Variants in VPS8 observed in about 807,000 individuals in gnomAD.
VPS8 encodes the protein VPS8 subunit of CORVET complex.
In VPS8, 129 loss-of-function variants were observed where a neutral mutation model predicts 216.4. The ratio of observed to expected loss-of-function variants is 0.60; its 90% CI spans 0.52 to 0.69. VPS8 has a LOEUF of 0.69. Ranked by LOEUF, VPS8 falls within the 30% of genes least tolerant of loss-of-function variation. The pLI is 0.00. For missense variants in VPS8, 1,531 were observed against 1,683.5 expected (o/e 0.91, Z 1.59); for synonymous variants, 571 against 565.4 (o/e 1.01, Z -0.14).
chr3:184,855,744 C>T lies in VPS8; in HGVS notation c.1069C>T (p.His357Tyr). ...TTCCAGTGTGCCACTGCTGGCCTGGCACTTTGTAGCAGTACAAAATTACGT... is the reference window on the plus strand; with the variant it reads ...TTCCAGTGTGCCACTGCTGGCCTGGTACTTTGTAGCAGTACAAAATTACGT... Reference protein sequence around the residue: ...DPSSVPLLAWHFVAVQNYVNP... With the variant: ...DPSSVPLLAWYFVAVQNYVNP... The change falls in exon 14 of 48, where the codon CAC (histidine) becomes TAC (tyrosine). Residue 357 changes from histidine to tyrosine, a missense_variant. Coordinates refer to ENST00000625842, the MANE Select transcript of VPS8 (RefSeq NM_001009921.3). 1 of 1,613,632 alleles carries T rather than the reference C, an allele frequency of 6.2e-7. No homozygotes were observed.
intron 36 of VPS8, among the ~76,000 whole-genome samples, chr3:184,944,171 C>T (rs768475354): frequency 2.6e-5 from 4 of 152,186 alleles, no homozygotes; most frequent in African/African-American, 9.7e-5. Flanking sequence ...GGATATTTCT[C>T]TATGTCTTTA....
At chr3:184,879,292 A>G (rs11717139) in intron 21 of VPS8, among the ~76,000 whole-genome samples, 35,540 of 152,120 alleles carry the variant, frequency 0.23, 4,983 homozygotes, top group East Asian at 0.63. Context: ...CGACAAGAGA[A>G]GCAGTCTTTT....
At chr3:184,966,903 T>C (rs906150333) in intron 39 of VPS8, among the ~76,000 whole-genome samples, 190 bp downstream of exon 39, 2 of 152,178 alleles carry the variant, frequency 1.3e-5, no homozygotes, top group Non-Finnish European at 2.9e-5. Flanking sequence ...ATAGAAACCA[T>C]TGTGGCTTTG....
chr3:185,050,299 A>C (rs1713924353), intron 47 of VPS8, among the ~76,000 whole-genome samples: 1 of 152,112 alleles, frequency 6.6e-6, no homozygotes, highest in Admixed American at 6.5e-5. Context: ...AAGTGGCACG[A>C]AGTGGACTCT....
Position 184,870,739 on chromosome 3 carries a change from T to C in VPS8, c.1668T>C (p.Tyr556=). ...AGATGGTAGAAATCCTATTCCATTA[T>C]GCAGATCGAGCTCTGAAAAAGTGCC... The part of the protein sequence containing the change: ...ADRMVEILFH[Y]ADRALKKCPD... The change falls in exon 21 of 48, where the codon TAT becomes TAC. Residue 556 remains tyrosine (Y), a synonymous_variant. Transcript: ENST00000625842. The C allele has an allele frequency of 1.9e-6, 3 of 1,612,382 alleles. No homozygotes were observed. Among genetic ancestry groups the C allele is most frequent in the Non-Finnish European group, 2.5e-6 (3 of 1,179,150 alleles).
intron 4 of VPS8, among the ~76,000 whole-genome samples, chr3:184,833,446 T>C (rs1720430947): frequency 6.6e-6 from 1 of 152,226 alleles, no homozygotes; most frequent in Non-Finnish European, 1.5e-5. Flanking sequence ...TGTTCTTTTC[T>C]TTAGGTTATC....
intron 36 of VPS8, among the ~76,000 whole-genome samples, chr3:184,940,493 A>G (rs1742486083): frequency 6.6e-6 from 1 of 152,156 alleles, no homozygotes; most frequent in South Asian, 2.1e-4. Context: ...GGGTGTAAAT[A>G]AAATAATGAA....
At chr3:184,993,904 T>C in intron 42 of VPS8, 79 bp from the exon 43 acceptor site, 1 of 1,116,954 alleles carries the variant, frequency 9.0e-7, no homozygotes, top group South Asian at 1.6e-5. Flanking sequence ...TAAAAGCATT[T>C]GGCTTTTTCA....
intron 24 of VPS8, among the ~76,000 whole-genome samples, chr3:184,900,008 A>C (rs949956198): frequency 3.5e-4 from 54 of 152,374 alleles, no homozygotes; most frequent in African/African-American, 1.2e-3. Flanking sequence ...AATTAAGAGA[A>C]GGTGTCCTGT....
chr3:184,864,641 T>C (rs1253366004), intron 16 of VPS8, among the ~76,000 whole-genome samples: 3 of 152,170 alleles, frequency 2.0e-5, no homozygotes, highest in Non-Finnish European at 4.4e-5. Flanking sequence ...CTTGCCTCAT[T>C]AGGACTAGAA....
At chr3:184,856,764 C>A (rs1725337376) in intron 14 of VPS8, among the ~76,000 whole-genome samples, 1 of 152,172 alleles carries the variant, frequency 6.6e-6, no homozygotes, top group Admixed American at 6.5e-5. Flanking sequence ...ATACTGTTGC[C>A]TCTGCCAGGA....
intron 23 of VPS8, among the ~76,000 whole-genome samples, chr3:184,897,175 G>T (rs1733658077): frequency 6.6e-6 from 1 of 152,152 alleles, no homozygotes; most frequent in Admixed American, 6.5e-5. Flanking sequence ...TCAGGGATGA[G>T]GGCCAAGTGC....
intron 46 of VPS8, among the ~76,000 whole-genome samples, chr3:185,028,916 A>G (rs777845838): frequency 2.0e-5 from 3 of 152,246 alleles, no homozygotes; most frequent in Non-Finnish European, 2.9e-5. Context: ...GATGCACGAA[A>G]GAGATTTCAC....
chr3:184,982,018 C>G (rs576134255), intron 40 of VPS8, among the ~76,000 whole-genome samples: 2 of 151,760 alleles, frequency 1.3e-5, no homozygotes, highest in East Asian at 3.9e-4. Flanking sequence ...GTTTTAACTT[C>G]TATTTCCTGG....
chr3:184,894,989 C>T (rs1387008399), intron 23 of VPS8, 64 bp downstream of exon 23: 1 of 1,375,608 alleles, frequency 7.3e-7, no homozygotes. Flanking sequence ...ATAACACTTA[C>T]TTCACTGATC....
At chr3:184,991,586 T>G (rs1019768863) in intron 42 of VPS8, among the ~76,000 whole-genome samples, 1 of 152,172 alleles carries the variant, frequency 6.6e-6, no homozygotes, top group Non-Finnish European at 1.5e-5. Flanking sequence ...CAAACCACCC[T>G]TGTCGAAAAC....
At chr3:184,842,039 TCTC>T (rs1297364534) in intron 7 of VPS8, among the ~76,000 whole-genome samples, 1 of 151,954 alleles carries the variant, frequency 6.6e-6, no homozygotes, top group Admixed American at 6.5e-5. Context: ...AGTACTCACT[TCTC>T]CTCACCTCTA....
chr3:184,947,026 A>T (rs1743798703), intron 36 of VPS8, among the ~76,000 whole-genome samples: 1 of 152,202 alleles, frequency 6.6e-6, no homozygotes, highest in Admixed American at 6.5e-5. Flanking sequence ...TTTAACAAAA[A>T]GCCTTAAATC....
intron 10 of VPS8, 31 bp from the exon 11 acceptor site, chr3:184,852,469 G>A (rs766772396): frequency 1.2e-6 from 2 of 1,602,398 alleles, no homozygotes; most frequent in South Asian, 2.2e-5. Context: ...GTTTAAAAAT[G>A]TACAAGAAAA....
Sources: gnomAD v4.1 joint callset for allele counts (sites outside exome capture counted in the v4.1 genomes callset) on GRCh38, gnomAD v4.1.1 for gene constraint, MANE v1.5 for transcripts, NCBI Gene and HGNC (gene_info 2026-07-23, HGNC 2026-07-21) for gene names.